Variants in MTTP observed in about 807,000 individuals in gnomAD.
MTTP encodes microsomal triglyceride transfer protein large subunit.
Under a neutral mutation model 90.6 loss-of-function variants are expected in MTTP, and 49 were observed. That is an observed-to-expected ratio of 0.54 (90% confidence interval 0.43 to 0.69). MTTP has a LOEUF of 0.69. Among genes scored for constraint, MTTP ranks in the 30% least tolerant of loss-of-function variants. MTTP has a pLI of 0.00. For synonymous variants in MTTP, 347 were observed against 384.2 expected, an observed-to-expected ratio of 0.90 and a Z score of 1.13; for missense variants, 945 against 1,067.5, an observed-to-expected ratio of 0.89 and a Z score of 1.60.
chr4:99,564,474 G>T, intron 1 of MTTP: 1 of 459,356 alleles, frequency 2.2e-6, no homozygotes, highest in South Asian at 3.1e-5. Flanking sequence ...AATCTGTAAG[G>T]CTTTTTTATG....
intron 12 of MTTP, 54 bp downstream of exon 12, chr4:99,609,031 T>G: frequency 6.8e-7 from 1 of 1,477,596 alleles, no homozygotes; most frequent in Non-Finnish European, 9.5e-7. Context: ...TGTGTGTTCA[T>G]GGGGTACCGA....
intron 4 of MTTP, among the ~76,000 whole-genome samples, chr4:99,590,305 G>T (rs1460366635): frequency 6.6e-6 from 1 of 152,130 alleles, no homozygotes; most frequent in Non-Finnish European, 1.5e-5. Context: ...GGCCAGGCTG[G>T]TCTTGAACTC....
intron 15 of MTTP, among the ~76,000 whole-genome samples, chr4:99,615,885 G>A (rs984991012): frequency 8.5e-5 from 13 of 152,196 alleles, no homozygotes; most frequent in African/African-American, 2.9e-4. Flanking sequence ...GGATCAAAGA[G>A]GTCACATTAG....
intron 1 of MTTP, among the ~76,000 whole-genome samples, chr4:99,566,407 A>T (rs1036543394): frequency 1.3e-5 from 2 of 152,220 alleles, no homozygotes; most frequent in African/African-American, 2.4e-5. Flanking sequence ...TTTTAAAAAG[A>T]ATGAGCACAT....
At chr4:99,615,447 G>A (rs760551926) in intron 15 of MTTP, among the ~76,000 whole-genome samples, 1 of 152,226 alleles carries the variant, frequency 6.6e-6, no homozygotes, top group Non-Finnish European at 1.5e-5. Context: ...CATATTCTAT[G>A]AGAAAGATTG....
upstream of MTTP, among the ~76,000 whole-genome samples, chr4:99,572,649 C>G (rs917353825): frequency 5.3e-5 from 8 of 152,022 alleles, no homozygotes; most frequent in African/African-American, 1.7e-4. Context: ...TTTTACTGTG[C>G]TTTGCTTCTG....
At chr4:99,589,880 A>C (rs1560616982) in intron 4 of MTTP, 130 bp downstream of exon 4, 3 of 688,740 alleles carry the variant, frequency 4.4e-6, no homozygotes, top group Non-Finnish European at 7.7e-6. Context: ...GTGAAGTCGC[A>C]TTTGCCTATG....
Position 99,613,065 on chromosome 4 carries a change from G to C in MTTP, c.2142G>C (p.Met714Ile), listed in dbSNP as rs747741884. The C allele has an allele frequency of 7.4e-6, 12 of 1,613,944 alleles. No individual in the cohort carries two copies. The Admixed American group carries it at 1.2e-4, about 16-fold the overall frequency. The change falls in exon 15 of 18, where the codon ATG becomes ATC. Residue 714 changes from methionine to isoleucine, a missense_variant. Met to Ile is a conservative substitution (Grantham distance 10). Coordinates refer to ENST00000265517, the MANE Select transcript of MTTP (RefSeq NM_001386140.1). ...TTTTCAACGGATACAGTGATTTGAT[G>C]TCCAAAATGCTGTCAGCATCTGGCG... ...VTFFNGYSDL[M>I]SKMLSASGDP...
intron 2 of MTTP, 125 bp from the exon 3 acceptor site, chr4:99,583,249 T>C (rs879667242): frequency 5.4e-6 from 6 of 1,107,160 alleles, no homozygotes; most frequent in African/African-American, 1.6e-5. Flanking sequence ...AAATCATGAA[T>C]TGAAAAATGA....
intron 6 of MTTP, among the ~76,000 whole-genome samples, chr4:99,594,071 C>T (rs1725491410): frequency 6.6e-6 from 1 of 152,200 alleles, no homozygotes; most frequent in South Asian, 2.1e-4. Flanking sequence ...ATCTTTATTT[C>T]CCTGTCGCCT....
chr4:99,592,768 G>C (rs1725462772), intron 6 of MTTP, among the ~76,000 whole-genome samples: 1 of 152,116 alleles, frequency 6.6e-6, no homozygotes, highest in African/African-American at 2.4e-5. Context: ...GCCTGAGGCT[G>C]TCTTACAGTT....
intron 1 of MTTP, among the ~76,000 whole-genome samples, chr4:99,576,512 G>A (rs541608914): frequency 6.6e-6 from 1 of 151,416 alleles, no homozygotes; most frequent in South Asian, 2.1e-4. Flanking sequence ...CGGCTAAAAC[G>A]GTGAAACCCC....
chr4:99,600,459 C>G (rs1725666812), intron 8 of MTTP, 106 bp from the exon 9 acceptor site: 4 of 1,127,456 alleles, frequency 3.5e-6, no homozygotes, highest in Non-Finnish European at 5.2e-6. Flanking sequence ...AAAAAAAAAT[C>G]ACTTCTTGAG....
intron 10 of MTTP, among the ~76,000 whole-genome samples, chr4:99,604,274 CT>C (rs1725762677): frequency 6.6e-6 from 1 of 152,134 alleles, no homozygotes; most frequent in Non-Finnish European, 1.5e-5. Flanking sequence ...CCTTTCAGAA[CT>C]TACTAGGATA....
intron 4 of MTTP, among the ~76,000 whole-genome samples, chr4:99,590,865 C>A (rs981491201): frequency 7.0e-6 from 1 of 142,556 alleles, no homozygotes; most frequent in African/African-American, 2.7e-5. Flanking sequence ...ACACACACAC[C>A]ACACACACAC....
chr4:99,605,663 A>T (rs1725796694), intron 10 of MTTP, among the ~76,000 whole-genome samples: 1 of 152,198 alleles, frequency 6.6e-6, no homozygotes, highest in South Asian at 2.1e-4. Context: ...TTAGGCTTTC[A>T]TCAGCAATTT....
Position 99,623,637 on chromosome 4 carries a change from C to T in MTTP, c.*789C>T, listed in dbSNP as rs1300581445. On this transcript the variant is annotated 3_prime_UTR_variant, in exon 18 of 18. Transcript: ENST00000265517. ...GTCTTTTTGAGACTGTAATATGGTACACTGTCCTCTAAGGGACATCCTCAT... is the reference window on the plus strand; with the variant it reads ...GTCTTTTTGAGACTGTAATATGGTATACTGTCCTCTAAGGGACATCCTCAT... The T allele has an allele frequency of 6.6e-6, 1 of 152,302 alleles. No individual in the cohort carries two copies. The highest frequency in any genetic ancestry group is 1.5e-5 in the Non-Finnish European group (1 of 68,162). The allele number at this position is 152,302 out of a possible 1,614,324, so 9.4% of individuals were successfully genotyped here. A position where few individuals can be genotyped will look rare whatever the true frequency, so the allele number is the denominator to read the frequency against.
At chr4:99,577,605 C>CAAAAAAA (rs10605949) in intron 1 of MTTP, among the ~76,000 whole-genome samples, 3 of 101,302 alleles carry the variant, frequency 3.0e-5, no homozygotes, top group African/African-American at 7.1e-5. Flanking sequence ...AACTCTGTTT[C>CAAAAAAA]AAAAAAAAAA....
intron 4 of MTTP, among the ~76,000 whole-genome samples, chr4:99,590,107 T>C (rs1725378697): frequency 1.3e-5 from 2 of 152,066 alleles, no homozygotes; most frequent in South Asian, 4.1e-4. Flanking sequence ...CGAACGTCTT[T>C]TTTTTTGAGA....
Sources: gnomAD v4.1 joint callset for allele counts (sites outside exome capture counted in the v4.1 genomes callset) on GRCh38, gnomAD v4.1.1 for gene constraint, MANE v1.5 for transcripts, NCBI Gene and HGNC (gene_info 2026-07-23, HGNC 2026-07-21) for gene names.